Variants in DNHD1 observed in about 807,000 individuals in gnomAD.
The protein encoded by DNHD1 is dynein heavy chain domain-containing protein 1.
In DNHD1, 383 loss-of-function variants were observed where a neutral mutation model predicts 458.1. The observed-to-expected ratio is 0.84, with a 90% confidence interval of 0.77 to 0.91. The LOEUF (loss-of-function observed/expected upper bound fraction) is 0.91. DNHD1 is among the 40% of genes least tolerant of loss of function. DNHD1 has a pLI of 0.00. For missense variants in DNHD1, 5,336 were observed against 5,866.1 expected, an observed-to-expected ratio of 0.91 and a Z score of 2.95; for synonymous variants, 2,203 against 2,376.9, an observed-to-expected ratio of 0.93 and a Z score of 2.13.
intron 7 of DNHD1, among the ~76,000 whole-genome samples, chr11:6,516,140 G>A (rs1852459171): frequency 6.6e-6 from 1 of 151,840 alleles, no homozygotes; most frequent in African/African-American, 2.4e-5. Flanking sequence ...AGAGGTATAT[G>A]TTAAATATCC....
intron 4 of DNHD1, among the ~76,000 whole-genome samples, chr11:6,506,229 A>G (rs1045597471): frequency 1.3e-5 from 2 of 152,334 alleles, no homozygotes; most frequent in Middle Eastern, 3.4e-3. Flanking sequence ...AGAGGAGCCA[A>G]GCTTTCAACA....
intron 10 of DNHD1, among the ~76,000 whole-genome samples, chr11:6,526,491 C>CT (rs1278890275): frequency 1.3e-5 from 2 of 152,022 alleles, no homozygotes; most frequent in Non-Finnish European, 2.9e-5. Flanking sequence ...GATGCTGATA[C>CT]TTTTCTACTG....
At chr11:6,556,024 C>T (rs1853455600) in intron 24 of DNHD1, among the ~76,000 whole-genome samples, 1 of 152,096 alleles carries the variant, frequency 6.6e-6, no homozygotes, top group Non-Finnish European at 1.5e-5. Flanking sequence ...TCTCACTCTG[C>T]CACTCAGGCT....
Position 6,511,399 on chromosome 11 carries a change from C to G in DNHD1, c.1362C>G (p.Cys454Trp). ...AGGCTCTACGGCTGCTCCATCGTTG[C>G]CTAAACCTCTGCACATCCATTCTTC... is the stretch of plus-strand genomic sequence containing the variant. The part of the protein sequence containing the change: ...KHKALRLLHR[C>W]LNLCTSILRL... Residue 454 changes from cysteine (C) to tryptophan (W), a missense_variant, in exon 7 of 43, where the codon TGC (cysteine) becomes TGG (tryptophan). Transcript: ENST00000254579. 2.5e-6 allele frequency: 4 copies of G among 1,614,196 alleles called. No homozygotes were observed. The highest frequency in any genetic ancestry group is 3.4e-6 in the Non-Finnish European group (4 of 1,180,042).
In DNHD1 at chr11:6,546,171, G is replaced by T. The variant is rs1472535237; in HGVS notation, c.5232G>T (p.Leu1744=). 5 of 1,550,806 alleles carry T rather than the reference G, an allele frequency of 3.2e-6. No individual in the cohort carries two copies. Among genetic ancestry groups the T allele is most frequent in the Non-Finnish European group, 3.5e-6 (4 of 1,146,396 alleles). The change falls in exon 21 of 43, where the codon CTG becomes CTT. Residue 1744 remains leucine, a synonymous_variant. Coordinates refer to ENST00000254579, the MANE Select transcript of DNHD1 (RefSeq NM_144666.3). ...TGCTGTTGGAGAAAGTTCATCAGCT[G>T]CCCCCTGGCTTGCTCTCTGCCCTGG... The part of the protein sequence containing the change: ...AWLLLEKVHQ[L]PPGLLSALGQ...
chr11:6,571,512 C>T lies in DNHD1; in HGVS notation c.13911+89C>T. 6.8e-6 allele frequency: 10 copies of T among 1,462,812 alleles called. No homozygotes were observed. Among genetic ancestry groups the T allele is most frequent in the Non-Finnish European group, 9.1e-6 (10 of 1,097,988 alleles). 90.6% of individuals were successfully genotyped at this position (1,462,812 alleles called of 1,614,324 possible). On this transcript the variant is annotated intron_variant, in intron 42 of 42. Transcript: ENST00000254579. This position sits in a 1 kb window ranked among gnomAD's most constrained non-coding sequence, Gnocchi z 5.0. ...AGTTACCCCTTCTTGGTGATCTTGC[C>T]CCCGGTAACCCTGCTAGCTTCTCCG...
At chr11:6,543,802 A>G (rs1388906316) in intron 18 of DNHD1, among the ~76,000 whole-genome samples, 3 of 151,984 alleles carry the variant, frequency 2.0e-5, no homozygotes, top group Non-Finnish European at 4.4e-5. Context: ...TCTACTAAAC[A>G]TACAAAAAAT....
At chr11:6,562,897 C>A in intron 28 of DNHD1, 85 bp from the exon 29 acceptor site, 2 of 1,453,698 alleles carry the variant, frequency 1.4e-6, no homozygotes, top group Non-Finnish European at 1.8e-6. Context: ...GAGGAGTGTG[C>A]TACAGTTCCA....
intron 32 of DNHD1, among the ~76,000 whole-genome samples, chr11:6,565,482 T>C (rs1564823397): frequency 6.6e-6 from 1 of 152,234 alleles, no homozygotes; most frequent in Non-Finnish European, 1.5e-5. Context: ...TATGTATCAT[T>C]TCATTTAATC....
At position 6,562,309 on chromosome 11, in the gene DNHD1, C is replaced by T. The variant is rs543621980; in HGVS notation, c.9520-673C>T. Among the ~76,000 whole-genome samples, 4 of 152,112 alleles carry T rather than the reference C, an allele frequency of 2.6e-5. No individual in the cohort carries two copies. In the South Asian group the frequency reaches 6.2e-4, roughly 24 times the overall value. On this transcript the variant is annotated intron_variant, in intron 28 of 42. Transcript: ENST00000254579. ...AGTCAGATTGCAGGAGAGCTGAGGA[C>T]GCATAACCAATACATTCATTTGGGG... is the stretch of plus-strand genomic sequence containing the variant.
Position 6,528,758 on chromosome 11 carries a change from G to C in DNHD1, c.2074G>C (p.Ala692Pro). The C allele has an allele frequency of 6.4e-7, 1 of 1,551,724 alleles. No homozygotes were observed. Among genetic ancestry groups the C allele is most frequent in the Non-Finnish European group, 8.7e-7 (1 of 1,146,990 alleles). Reference sequence around the variant, plus strand: ...GGACAACAACCCTAAGATCCAGCAGGCACTGAATATACAACAGGTGCTGCT... The same window carrying C: ...GGACAACAACCCTAAGATCCAGCAGCCACTGAATATACAACAGGTGCTGCT... ...DLDNNPKIQQ[A>P]LNIQQVLLEG... Residue 692 changes from alanine to proline, a missense_variant, in exon 11 of 43, where the codon GCA becomes CCA. Physicochemically the swap from Ala to Pro is conservative, Grantham distance 27. Around this residue, in one of 4 missense-constraint regions of DNHD1, gnomAD observed 3,932 missense variants for 4,365.6 expected, o/e 0.90. Coordinates refer to ENST00000254579, the MANE Select transcript of DNHD1 (RefSeq NM_144666.3).
At position 6,567,238 on chromosome 11, in the gene DNHD1, TGA is replaced by T. The variant is rs780250078; in HGVS notation, c.11733_11734del (p.Arg3911SerfsTer78). On this transcript the variant is annotated frameshift_variant, in exon 36 of 43. Transcript: ENST00000254579. LOFTEE classifies it high-confidence loss of function. ...GACCTGGCCAGCCATCTACTGCAAT[TGA>T]GAGCACACCTGACCCGCCAGCTGCT... 6.2e-7 allele frequency: 1 copy of T among 1,613,974 alleles called. No homozygotes were observed. The highest frequency in any genetic ancestry group is 8.5e-7 in the Non-Finnish European group (1 of 1,179,892).
chr11:6,498,020 C>A lies in DNHD1; in HGVS notation c.-196C>A. 1 of 712,416 alleles carries A rather than the reference C, an allele frequency of 1.4e-6. No homozygotes were observed. The highest frequency in any genetic ancestry group is 2.4e-6 in the Non-Finnish European group (1 of 423,002). The allele number at this position is 712,416 out of a possible 1,614,324, so 44.1% of individuals were successfully genotyped here. A position where few individuals can be genotyped will look rare whatever the true frequency, so the allele number is the denominator to read the frequency against. On this transcript the variant is annotated 5_prime_UTR_variant, in exon 3 of 43. The change creates a new upstream start codon in the 5' untranslated region. Coordinates refer to ENST00000254579, the MANE Select transcript of DNHD1 (RefSeq NM_144666.3). ...CTGCTCTGTAGCTCCATCTATTTCC[C>A]TGTCCCAGGTCCTTTCTTCCTCCTA...
Position 6,571,610 on chromosome 11 carries a change from G to A in DNHD1, c.13912-26G>A, listed in dbSNP as rs1342647721. On this transcript the variant is annotated intron_variant, in intron 42 of 42. Coordinates refer to ENST00000254579, the MANE Select transcript of DNHD1 (RefSeq NM_144666.3). The surrounding 1 kb of genome is among the most constrained non-coding windows in gnomAD (Gnocchi z 5.0). ...TGCCACCTCCCAGCTTCCTAGCCTTGCCTGACCAGCTTCTGACGCCCCCAG... is the reference window on the plus strand; with the variant it reads ...TGCCACCTCCCAGCTTCCTAGCCTTACCTGACCAGCTTCTGACGCCCCCAG... 1 of 1,526,198 alleles carries A rather than the reference G, an allele frequency of 6.6e-7. No homozygotes were observed. Among genetic ancestry groups the A allele is most frequent in the African/African-American group, 1.4e-5 (1 of 73,014 alleles). The allele number at this position is 1,526,198 out of a possible 1,614,324, so 94.5% of individuals were successfully genotyped here.
chr11:6,570,745 C>A lies in DNHD1; in HGVS notation c.13233C>A (p.Arg4411=). The change falls in exon 42 of 43, where the codon CGC becomes CGA. Residue 4411 remains arginine, a synonymous_variant. Transcript: ENST00000254579. ...CCTGGCTGTTGCGACGCCAGAGTCG[C>A]GCTCTCTTGAGTGCGCTGCAGCGGA... ...PQAWLLRRQS[R]ALLSALQRSS... is the part of the protein sequence containing the mutation. 6.2e-7 allele frequency: 1 copy of A among 1,611,666 alleles called. No individual in the cohort carries two copies. Among genetic ancestry groups the A allele is most frequent in the Non-Finnish European group, 8.5e-7 (1 of 1,178,942 alleles).
In DNHD1 at chr11:6,498,288, T is replaced by G; in HGVS notation, c.73T>G (p.Ser25Ala). 6.2e-7 allele frequency: 1 copy of G among 1,614,174 alleles called. No individual in the cohort carries two copies. Among genetic ancestry groups the G allele is most frequent in the Non-Finnish European group, 8.5e-7 (1 of 1,180,024 alleles). ...TSSDSLKSWHSICVLDSKEQP... is the reference protein window; with the variant it reads ...TSSDSLKSWHAICVLDSKEQP... ...ATCTGATTCCCTTAAGTCTTGGCACTCCATATGTGTCTTGGACAGCAAAGA... is the reference window on the plus strand; with the variant it reads ...ATCTGATTCCCTTAAGTCTTGGCACGCCATATGTGTCTTGGACAGCAAAGA... Residue 25 changes from serine to alanine, a missense_variant, in exon 3 of 43, where the codon TCC becomes GCC. Around this residue, in one of 4 missense-constraint regions of DNHD1, gnomAD observed 3,932 missense variants for 4,365.6 expected, o/e 0.90. Transcript: ENST00000254579.
At chr11:6,567,940 A>T in intron 36 of DNHD1, 80 bp downstream of exon 36, 2 of 1,486,492 alleles carry the variant, frequency 1.3e-6, no homozygotes, top group Middle Eastern at 3.9e-4. Context: ...AAGCATTTTC[A>T]TGGATCTTTC....
At chr11:6,511,052 C>A (rs2723654) in intron 6 of DNHD1, among the ~76,000 whole-genome samples, 1 of 152,158 alleles carries the variant, frequency 6.6e-6, no homozygotes, top group African/African-American at 2.4e-5. Context: ...GCACATACCC[C>A]AAGCCTTTTC....
In DNHD1 at chr11:6,546,843, C is replaced by T. The variant is rs149659254; in HGVS notation, c.5904C>T (p.Ser1968=). The change falls in exon 21 of 43, where the codon AGC becomes AGT. Residue 1968 remains serine, a synonymous_variant. Transcript: ENST00000254579. ...TGCAACAGGTAGGTCTGGATCCCAG[C>T]CCTGACATTTTGGGGTCCTTGGAAC... ...EELQQVGLDP[S]PDILGSLEQL... 7.2e-4 allele frequency: 1,118 copies of T among 1,551,812 alleles called. No individual in the cohort carries two copies. The highest frequency in any genetic ancestry group is 2.0e-3 in the Middle Eastern group (12 of 5,992).
Sources: gnomAD v4.1 joint callset for allele counts (sites outside exome capture counted in the v4.1 genomes callset) on GRCh38, gnomAD v4.1.1 for gene constraint, gnomAD v4.1.1 regional missense constraint, Gnocchi (gnomAD v3.1) non-coding constraint, MANE v1.5 for transcripts, NCBI Gene and HGNC (gene_info 2026-07-23, HGNC 2026-07-21) for gene names.